Variants in SLC24A1 observed in about 807,000 individuals in gnomAD.
The protein encoded by SLC24A1 is solute carrier family 24 member 1.
SLC24A1 carries 52 observed loss-of-function variants against 88.1 expected under a neutral mutation model. That is an observed-to-expected ratio of 0.59 (90% CI 0.47 to 0.74). SLC24A1 has a LOEUF of 0.74. Among genes scored for constraint, SLC24A1 ranks in the 30% least tolerant of loss-of-function variants. SLC24A1 has a pLI of 0.00. For missense variants in SLC24A1, 1,173 were observed against 1,363.3 expected, an observed-to-expected ratio of 0.86 and a Z score of 2.20; for synonymous variants, 455 against 498.0, an observed-to-expected ratio of 0.91 and a Z score of 1.15.
At chr15:65,660,465 C>A, downstream of SLC24A1, 1 of 561,028 alleles carries the variant, frequency 1.8e-6, no homozygotes, top group Non-Finnish European at 3.1e-6. Context: ...TTCTTTAAAG[C>A]TGGCTAGGGA....
At chr15:65,660,129 T>C, downstream of SLC24A1, 1 of 562,478 alleles carries the variant, frequency 1.8e-6, no homozygotes, top group Non-Finnish European at 3.1e-6. Context: ...AACATGAAGC[T>C]TGGATCTGAA....
chr15:65,641,415 C>A (rs536558366), intron 4 of SLC24A1, among the ~76,000 whole-genome samples: 72 of 151,936 alleles, frequency 4.7e-4, no homozygotes, highest in Non-Finnish European at 1.5e-4. Context: ...TGAAAAGCTG[C>A]ATCAAAGACA....
chr15:65,652,560 C>G (rs1161045192), intron 8 of SLC24A1, 82 bp from the exon 9 acceptor site: 2 of 1,328,706 alleles, frequency 1.5e-6, no homozygotes, highest in Middle Eastern at 2.5e-4. Context: ...AGAAGGCAGT[C>G]TGTTTGCACA....
chr15:65,641,377 CAAACAAAT>C (rs1440655311), intron 4 of SLC24A1, among the ~76,000 whole-genome samples: 13 of 145,736 alleles, frequency 8.9e-5, no homozygotes, highest in East Asian at 8.7e-4. Context: ...AACAAACAAA[CAAACAAAT>C]AAATAAATAA....
chr15:65,640,775 C>A (rs966882056), intron 4 of SLC24A1, among the ~76,000 whole-genome samples: 1 of 152,106 alleles, frequency 6.6e-6, no homozygotes, highest in Non-Finnish European at 1.5e-5. Context: ...AAAAAAAATA[C>A]CAGCCAGGCA....
chr15:65,654,164 T>A lies in SLC24A1; in HGVS notation c.*85T>A. Reference sequence around the variant, plus strand: ...CTCTTGTGACCCTAATGAAAGAATGTATATGATCCTGGAAAGTGAACTGGG... The same window carrying A: ...CTCTTGTGACCCTAATGAAAGAATGAATATGATCCTGGAAAGTGAACTGGG... On this transcript the variant is annotated 3_prime_UTR_variant, in exon 10 of 10. Transcript: ENST00000261892. The A allele has an allele frequency of 6.5e-7, 1 of 1,532,480 alleles. No individual in the cohort carries two copies. 94.9% of individuals were successfully genotyped at this position (1,532,480 alleles called of 1,614,324 possible). A position where few individuals can be genotyped will look rare whatever the true frequency, so the allele number is the denominator to read the frequency against.
In SLC24A1 at chr15:65,650,574, G is replaced by A; in HGVS notation, c.2425G>A (p.Glu809Lys). Reference protein sequence around the residue: ...EAEGKGDNEGEDEGEIHAEDG... With the variant: ...EAEGKGDNEGKDEGEIHAEDG... ...AGAAGGAAAAGGAGACAATGAAGGT[G>A]AAGATGAGGGTGAAATCCACGCAGA... Residue 809 changes from glutamate to lysine, a missense_variant, in exon 7 of 10, where the codon GAA becomes AAA. Physicochemically the swap from Glu to Lys is moderately conservative, Grantham distance 56 (BLOSUM62 1). Transcript: ENST00000261892. This position sits in a 1 kb window ranked among gnomAD's most constrained non-coding sequence, Gnocchi z 4.1. The A allele has an allele frequency of 1.9e-6, 3 of 1,551,886 alleles. No individual in the cohort carries two copies. Among genetic ancestry groups the A allele is most frequent in the Non-Finnish European group, 2.6e-6 (3 of 1,146,986 alleles).
At chr15:65,649,110 T>C (rs1424137234) in intron 6 of SLC24A1, among the ~76,000 whole-genome samples, 1 of 152,104 alleles carries the variant, frequency 6.6e-6, no homozygotes, top group Non-Finnish European at 1.5e-5. Context: ...TCTGTATTTC[T>C]TTTTTCTCTT....
chr15:65,613,315 C>G (rs984235275), intron 2 of SLC24A1, among the ~76,000 whole-genome samples: 1 of 152,194 alleles, frequency 6.6e-6, no homozygotes, highest in Non-Finnish European at 1.5e-5. Flanking sequence ...AACCATGGCT[C>G]TCACAGGGGC....
chr15:65,618,229 A>C (rs2074212019), upstream of SLC24A1, among the ~76,000 whole-genome samples: 1 of 152,158 alleles, frequency 6.6e-6, no homozygotes, highest in Admixed American at 6.5e-5. Context: ...GTATGTATAT[A>C]TGTGTATGTA....
chr15:65,622,272 G>C (rs982721248), intron 1 of SLC24A1, among the ~76,000 whole-genome samples, 180 bp downstream of exon 1: 3 of 152,228 alleles, frequency 2.0e-5, no homozygotes, highest in African/African-American at 7.2e-5. Context: ...ATAGTGGAAA[G>C]AAAATTATAG....
rs757823894 is a variant in SLC24A1 at position 65,652,770 on chromosome 15, A to T, written c.3012A>T (p.Ser1004=). ...AAGGCCTGGGAGACATGGCTGTGTC[A>T]AGCTCTGTGGGCAGTAACATATTTG... ...ARKGLGDMAV[S]SSVGSNIFDI... Residue 1004 remains serine, a synonymous_variant, in exon 9 of 10, where the codon TCA becomes TCT. Coordinates refer to ENST00000261892, the MANE Select transcript of SLC24A1 (RefSeq NM_004727.3). 10 of 1,612,844 alleles carry T rather than the reference A, an allele frequency of 6.2e-6. No individual in the cohort carries two copies. Among genetic ancestry groups the T allele is most frequent in the Non-Finnish European group, 6.8e-6 (8 of 1,178,950 alleles).
In SLC24A1 at chr15:65,655,629, T is replaced by C. The variant is rs944565070; in HGVS notation, c.*1550T>C. The C allele has an allele frequency of 3.0e-6, 3 of 985,290 alleles. No individual in the cohort carries two copies. The highest frequency in any genetic ancestry group is 1.7e-5 in the African/African-American group (1 of 57,224). 61.0% of individuals were successfully genotyped at this position (985,290 alleles called of 1,614,324 possible). On this transcript the variant is annotated 3_prime_UTR_variant, in exon 10 of 10. Transcript: ENST00000261892. ...CTCGGGTGACTGCAGATTATGATGGTAAATATGGCTTTAATTACAAACATG... is the reference window on the plus strand; with the variant it reads ...CTCGGGTGACTGCAGATTATGATGGCAAATATGGCTTTAATTACAAACATG...
chr15:65,651,865 G>A (rs547601318), intron 8 of SLC24A1, 106 bp downstream of exon 8: 21 of 714,452 alleles, frequency 2.9e-5, no homozygotes, highest in Admixed American at 8.1e-5. Flanking sequence ...AAGTGAATTC[G>A]TGCAGTTTCT....
rs116005224 is a variant in SLC24A1 at position 65,648,838 on chromosome 15, A to G, written c.2233-1544A>G. On this transcript the variant is annotated intron_variant, in intron 6 of 9. Transcript: ENST00000261892. ...TTTTACAGGGGTATGGGGTCTCACT[A>G]TATTGCCCAGGCTGGCCTGGAACTC... 2.6e-3 allele frequency among the ~76,000 whole-genome samples: 391 copies of G among 151,720 alleles called. 1 individual carries two copies. Among genetic ancestry groups the G allele is most frequent in the African/African-American group, 9.1e-3 (377 of 41,302 alleles).
rs759432235 is a variant in SLC24A1 at position 65,625,288 on chromosome 15, T to C, written c.1208T>C (p.Met403Thr). The change falls in exon 2 of 10, where the codon ATG becomes ACG. Residue 403 changes from methionine to threonine, a missense_variant. Met to Thr is a moderately conservative substitution (Grantham distance 81). Transcript: ENST00000261892. The part of the protein sequence containing the change: ...HCVVVKPTPA[M>T]LTTPSPSLTT... ...GTGGTTGTGAAGCCAACCCCAGCCA[T>C]GCTCACCACTCCCTCCCCAAGCCTC... The C allele has an allele frequency of 1.2e-6, 2 of 1,613,948 alleles. No individual in the cohort carries two copies. Among genetic ancestry groups the C allele is most frequent in the Non-Finnish European group, 1.7e-6 (2 of 1,179,874 alleles).
rs546407098 is a variant in SLC24A1 at position 65,651,864 on chromosome 15, C to T, written c.2883+105C>T. On this transcript the variant is annotated intron_variant, in intron 8 of 9. Coordinates refer to ENST00000261892, the MANE Select transcript of SLC24A1 (RefSeq NM_004727.3). The stretch of plus-strand genomic sequence containing the variant: ...GGGAATCTCGAGGATCAAGTGAATT[C>T]GTGCAGTTTCTATGTTGTTTGTAAA... 1.6e-4 allele frequency: 114 copies of T among 714,142 alleles called. 1 individual carries two copies. The East Asian group carries it at 2.6e-3, about 16-fold the overall frequency. The allele number at this position is 714,142 out of a possible 1,614,324, so 44.2% of individuals were successfully genotyped here. A position where few individuals can be genotyped will look rare whatever the true frequency, so the allele number is the denominator to read the frequency against.
chr15:65,647,524 C>T (rs899750985), intron 6 of SLC24A1, among the ~76,000 whole-genome samples: 4 of 148,276 alleles, frequency 2.7e-5, no homozygotes, highest in Non-Finnish European at 6.0e-5. Context: ...GAGAAAGAAT[C>T]GGTTCAACCC....
rs375734109 is a variant in SLC24A1 at position 65,625,904 on chromosome 15, C to T, written c.1824C>T (p.Val608=). 20 of 1,613,884 alleles carry T rather than the reference C, an allele frequency of 1.2e-5. No individual in the cohort carries two copies. The African/African-American group carries it at 2.5e-4, about 20-fold the overall frequency. The change falls in exon 2 of 10, where the codon GTC becomes GTT. Residue 608 remains valine, a synonymous_variant. Coordinates refer to ENST00000261892, the MANE Select transcript of SLC24A1 (RefSeq NM_004727.3). ...FTMKWNKHIE[V]WVKEQLSRRP... ...TGAAGTGGAACAAGCATATCGAGGT[C>T]TGGGTGAAGGAGCAGCTCAGCAGGA...
Sources: gnomAD v4.1 joint callset for allele counts (sites outside exome capture counted in the v4.1 genomes callset) on GRCh38, gnomAD v4.1.1 for gene constraint, Gnocchi (gnomAD v3.1) non-coding constraint, MANE v1.5 for transcripts, NCBI Gene and HGNC (gene_info 2026-07-23, HGNC 2026-07-21) for gene names.